The following DNAH7 variants were observed in gnomAD, a reference collection of about 807,000 sequenced individuals.
The protein encoded by DNAH7 is axonemal beta dynein heavy chain 7.
In DNAH7, 397 loss-of-function variants were observed where a neutral mutation model predicts 444.6. The ratio of observed to expected loss-of-function variants is 0.89; its 90% CI spans 0.82 to 0.97. The LOEUF is 0.97. Among genes scored for constraint, DNAH7 ranks in the 50% least tolerant of loss-of-function variants. The pLI, the probability that DNAH7 is intolerant of heterozygous loss-of-function variation, is 0.00. For missense variants in DNAH7, 4,902 were observed against 4,800.8 expected, an observed-to-expected ratio of 1.02 and a Z score of -0.62; for synonymous variants, 1,636 against 1,624.4, an observed-to-expected ratio of 1.01 and a Z score of -0.17.
chr2:195,738,238 G>T, intron 64 of DNAH7, 111 bp from the exon 65 acceptor site: 2 of 903,968 alleles, frequency 2.2e-6, no homozygotes, highest in Non-Finnish European at 3.4e-6. Context: ...AGATTTCTGT[G>T]GCCCAAATTT....
Position 195,799,315 on chromosome 2 carries a change from A to G in DNAH7, c.10334T>C (p.Leu3445Pro). ...AGGTACCTGGTCATCAGCAAATTTT[A>G]GAAGGGCAGCCATGGGATCTGCTCC... ...SPGADPMAAL[L>P]KFADDQGYGG... The change falls in exon 55 of 65, where the codon CTA (leucine) becomes CCA (proline). Residue 3445 changes from leucine (L) to proline (P), a missense_variant. Leu to Pro is a moderately conservative substitution (Grantham distance 98). Coordinates refer to ENST00000312428, the MANE Select transcript of DNAH7 (RefSeq NM_018897.3). 6.3e-7 allele frequency: 1 copy of G among 1,587,320 alleles called. No individual in the cohort carries two copies. Among genetic ancestry groups the G allele is most frequent in the South Asian group, 1.2e-5 (1 of 85,224 alleles).
intron 61 of DNAH7, among the ~76,000 whole-genome samples, chr2:195,764,266 G>A (rs1308865638): frequency 3.3e-5 from 5 of 151,928 alleles, no homozygotes; most frequent in Admixed American, 3.3e-4. Flanking sequence ...ATATATGACA[G>A]ACCCACAGCT....
chr2:195,794,888 C>T (rs981853953), intron 56 of DNAH7, among the ~76,000 whole-genome samples: 6 of 152,180 alleles, frequency 3.9e-5, no homozygotes, highest in African/African-American at 1.4e-4. Context: ...TAATTCTCTG[C>T]CCCAGAGCTA....
chr2:195,817,550 G>C (rs1387561390), intron 50 of DNAH7, 146 bp downstream of exon 50: 4 of 811,966 alleles, frequency 4.9e-6, no homozygotes, highest in African/African-American at 1.8e-5. Context: ...AATTGACATA[G>C]AGGTATAATT....
Position 196,062,930 on chromosome 2 carries a change from T to C in DNAH7, c.16-4814A>G, listed in dbSNP as rs1273096540. 3.3e-5 allele frequency among the ~76,000 whole-genome samples: 5 copies of C among 152,356 alleles called. No individual in the cohort carries two copies. In the East Asian group the frequency reaches 9.6e-4, roughly 29 times the overall value. On this transcript the variant is annotated intron_variant, in intron 1 of 64. Coordinates refer to ENST00000312428, the MANE Select transcript of DNAH7 (RefSeq NM_018897.3). Reference sequence around the variant, plus strand: ...CAGAGTCTCATTCCATCACCCAGGGTGTAGTGCAGTGGCGCAATCTCGGCT... The same window carrying C: ...CAGAGTCTCATTCCATCACCCAGGGCGTAGTGCAGTGGCGCAATCTCGGCT...
Position 195,778,631 on chromosome 2 carries a change from AAT to A in DNAH7, c.10879-648_10879-647del, listed in dbSNP as rs200423537. Among the ~76,000 whole-genome samples, 83 of 20,666 alleles carry A rather than the reference AAT, an allele frequency of 4.0e-3. 11 individuals are homozygous for A. Among genetic ancestry groups the A allele is most frequent in the Non-Finnish European group, 7.2e-3 (71 of 9,920 alleles). 13.6% of individuals were successfully genotyped at this position (20,666 alleles called of 152,430 possible). ...AAGACCCTGTCTGAAAAAAAAAAAA[AAT>A]AAATAAATAAATATATATATATATA... On this transcript the variant is annotated intron_variant, in intron 58 of 64. Coordinates refer to ENST00000312428, the MANE Select transcript of DNAH7 (RefSeq NM_018897.3).
At chr2:195,835,016 G>T (rs185449070) in intron 47 of DNAH7, among the ~76,000 whole-genome samples, 1 of 152,058 alleles carries the variant, frequency 6.6e-6, no homozygotes, top group African/African-American at 2.4e-5. Context: ...TTTATGATAA[G>T]AACAAAGGCA....
intron 14 of DNAH7, among the ~76,000 whole-genome samples, chr2:195,986,325 G>A (rs1292522696): frequency 1.3e-5 from 2 of 152,172 alleles, no homozygotes; most frequent in Non-Finnish European, 1.5e-5. Context: ...CTAGTCTTGT[G>A]CCTAACACAT....
intron 30 of DNAH7, chr2:195,894,775 G>A (rs1214144710): frequency 1.7e-5 from 7 of 406,920 alleles, no homozygotes; most frequent in Non-Finnish European, 2.1e-5. Flanking sequence ...ATAAAAGGTC[G>A]AAAGCAAGTT....
intron 12 of DNAH7, chr2:195,995,315 C>A: frequency 2.0e-6 from 1 of 505,524 alleles, no homozygotes; most frequent in South Asian, 1.5e-5. Context: ...GTTTTTCTGC[C>A]TTGTTCAAAT....
chr2:195,880,986 C>T (rs961392259), intron 36 of DNAH7, among the ~76,000 whole-genome samples: 5 of 151,218 alleles, frequency 3.3e-5, no homozygotes, highest in South Asian at 2.1e-4. Flanking sequence ...GCTTTCTGTA[C>T]ACTTTTAGTT....
chr2:195,857,350 G>C, intron 44 of DNAH7, 27 bp downstream of exon 44: 3 of 1,510,614 alleles, frequency 2.0e-6, no homozygotes, highest in Non-Finnish European at 2.7e-6. Flanking sequence ...GACCATACCA[G>C]CTGGATTTCT....
At chr2:195,778,636 AT>A (rs1559089637) in intron 58 of DNAH7, among the ~76,000 whole-genome samples, 24,837 of 62,428 alleles carry the variant, frequency 0.4, 7,928 homozygotes, top group Non-Finnish European at 0.48. Context: ...AAAAAAATAA[AT>A]AAATAAATAT....
chr2:195,868,206 C>G (rs916789099), intron 40 of DNAH7, among the ~76,000 whole-genome samples: 1 of 150,686 alleles, frequency 6.6e-6, no homozygotes, highest in African/African-American at 2.4e-5. Context: ...TGCCATTCTC[C>G]TGCCTCAGCC....
chr2:195,771,259 G>C (rs1373092432), intron 61 of DNAH7, among the ~76,000 whole-genome samples: 2 of 152,090 alleles, frequency 1.3e-5, no homozygotes, highest in African/African-American at 4.8e-5. Context: ...GGAATCCCTT[G>C]AGCCCAGGGG....
At chr2:195,755,915 A>G (rs1694046576) in intron 62 of DNAH7, among the ~76,000 whole-genome samples, 1 of 152,172 alleles carries the variant, frequency 6.6e-6, no homozygotes, top group Admixed American at 6.5e-5. Context: ...CTAGTGGAAA[A>G]ACCAACATAG....
intron 12 of DNAH7, among the ~76,000 whole-genome samples, chr2:195,992,405 CCACA>C (rs1206517892): frequency 3.3e-5 from 5 of 152,202 alleles, no homozygotes; most frequent in Non-Finnish European, 7.3e-5. Flanking sequence ...CCATGCACAC[CCACA>C]CAAAGAGTTT....
intron 5 of DNAH7, among the ~76,000 whole-genome samples, chr2:196,032,112 G>A (rs993675764): frequency 6.6e-6 from 1 of 152,164 alleles, no homozygotes; most frequent in Non-Finnish European, 1.5e-5. Flanking sequence ...GAAGGCAAAA[G>A]GCACTTCTTA....
intron 47 of DNAH7, among the ~76,000 whole-genome samples, chr2:195,841,203 T>C (rs1698662290): frequency 6.6e-6 from 1 of 151,554 alleles, no homozygotes; most frequent in Admixed American, 6.6e-5. Flanking sequence ...GCTGGAACAA[T>C]TGTATATTTT....
Sources: gnomAD v4.1 joint callset for allele counts (sites outside exome capture counted in the v4.1 genomes callset) on GRCh38, gnomAD v4.1.1 for gene constraint, MANE v1.5 for transcripts, NCBI Gene and HGNC (gene_info 2026-07-23, HGNC 2026-07-21) for gene names.